SLFN12L: variants seen among roughly 807,000 people sequenced by gnomAD.
SLFN12L encodes schlafen family member 12 like.
In SLFN12L, 34 loss-of-function variants were observed where a neutral mutation model predicts 34.8. The observed-to-expected ratio is 0.98, with a 90% CI of 0.74 to 1.30. The LOEUF is 1.30. Among genes scored for constraint, SLFN12L ranks in the 50% most tolerant of loss-of-function variants. The probability of loss-of-function intolerance (pLI) is 0.00; values close to 1 mark genes in which losing one functional copy is unlikely to be tolerated. For missense variants in SLFN12L, 703 were observed against 696.2 expected, an observed-to-expected ratio of 1.01 and a Z score of -0.11; for synonymous variants, 259 against 247.5, an observed-to-expected ratio of 1.05 and a Z score of -0.44.
At chr17:35,476,956 T>G (rs893579348) in intron 4 of SLFN12L, among the ~76,000 whole-genome samples, 7 of 152,198 alleles carry the variant, frequency 4.6e-5, no homozygotes, top group Non-Finnish European at 1.0e-4. Flanking sequence ...GGCAAGTGCT[T>G]CAGACATTGG....
chr17:35,480,441 A>T, intron 2 of SLFN12L: 1 of 382,024 alleles, frequency 2.6e-6, no homozygotes, highest in Non-Finnish European at 4.6e-6. Flanking sequence ...TCTTGTCTTT[A>T]TGTGTTCGTT....
rs1427725033 is a variant in SLFN12L, at chr17:35,469,075, T to A, written c.*5848A>T. Reference sequence around the variant, plus strand: ...CCTTTCTCTGAAGGCTGTTGCCTCCTGAGTCAATCCCTCAACCCACTGGGA... The same window carrying A: ...CCTTTCTCTGAAGGCTGTTGCCTCCAGAGTCAATCCCTCAACCCACTGGGA... On this transcript the variant is annotated 3_prime_UTR_variant, in exon 5 of 5. Transcript: ENST00000628453. 6.6e-6 allele frequency among the ~76,000 whole-genome samples: 1 copy of A among 151,592 alleles called. No individual in the cohort carries two copies. Among genetic ancestry groups the A allele is most frequent in the Non-Finnish European group, 1.5e-5 (1 of 67,930 alleles).
At chr17:35,483,461 C>T (rs1299079278) in intron 2 of SLFN12L, among the ~76,000 whole-genome samples, 2 of 152,182 alleles carry the variant, frequency 1.3e-5, no homozygotes, top group African/African-American at 4.8e-5. Flanking sequence ...ATATGAAAAA[C>T]ACAGAAGAAG....
In SLFN12L at chr17:35,475,317, T is replaced by C. The variant is rs752910262; in HGVS notation, c.1445A>G (p.Lys482Arg). The C allele has an allele frequency of 1.2e-6, 2 of 1,614,164 alleles. No homozygotes were observed. Among genetic ancestry groups the C allele is most frequent in the Non-Finnish European group, 1.7e-6 (2 of 1,180,030 alleles). Reference sequence around the variant, plus strand: ...AATCAGAAGAGCATCACAGAGGACTTTGTGGTTCTCTTGCAAGCCCAGATC... The same window carrying C: ...AATCAGAAGAGCATCACAGAGGACTCTGTGGTTCTCTTGCAAGCCCAGATC... ...SLDLGLQENH[K>R]VLCDALLISQ... The change falls in exon 5 of 5, where the codon AAA (lysine) becomes AGA (arginine). Residue 482 changes from lysine (K) to arginine (R), a missense_variant. Coordinates refer to ENST00000628453, the MANE Select transcript of SLFN12L (RefSeq NM_001363830.2).
At chr17:35,490,158 G>C (rs1028407244) in intron 2 of SLFN12L, 37 of 1,606,538 alleles carry the variant, frequency 2.3e-5, no homozygotes, top group Non-Finnish European at 3.1e-5. Context: ...GGACCCTCCA[G>C]CAGAGCCGGG....
chr17:35,486,001 C>T (rs1403043420), intron 2 of SLFN12L, among the ~76,000 whole-genome samples: 1 of 152,116 alleles, frequency 6.6e-6, no homozygotes, highest in Non-Finnish European at 1.5e-5. Context: ...TTTTTGGTTG[C>T]ATACAAATTT....
intron 2 of SLFN12L, among the ~76,000 whole-genome samples, chr17:35,503,587 T>A (rs1424469829): frequency 6.6e-6 from 1 of 152,058 alleles, no homozygotes; most frequent in African/African-American, 2.4e-5. Context: ...AAAAAATAGG[T>A]ACTAAAGGAA....
Position 35,478,217 on chromosome 17 carries a change from G to T in SLFN12L, c.1166-32C>A, listed in dbSNP as rs1271966519. 4 of 1,420,090 alleles carry T rather than the reference G, an allele frequency of 2.8e-6. No homozygotes were observed. In the South Asian group the frequency reaches 3.8e-5, roughly 13 times the overall value. The allele number at this position is 1,420,090 out of a possible 1,614,324, so 88.0% of individuals were successfully genotyped here. A position where few individuals can be genotyped will look rare whatever the true frequency, so the allele number is the denominator to read the frequency against. ...AATAATGTTAGAAAACAAAAATCACGCTCTTAATTTGGCATGGGAGAGACT... is the reference window on the plus strand; with the variant it reads ...AATAATGTTAGAAAACAAAAATCACTCTCTTAATTTGGCATGGGAGAGACT... On this transcript the variant is annotated intron_variant, in intron 3 of 4. Coordinates refer to ENST00000628453, the MANE Select transcript of SLFN12L (RefSeq NM_001363830.2).
chr17:35,486,431 G>A (rs565077294), intron 2 of SLFN12L, among the ~76,000 whole-genome samples: 2 of 152,088 alleles, frequency 1.3e-5, no homozygotes, highest in African/African-American at 4.8e-5. Flanking sequence ...GGGAAACTTG[G>A]AACCCATGGG....
chr17:35,485,673 G>T lies in SLFN12L; in HGVS notation c.87-5478C>A, dbSNP rs578070998. Among the ~76,000 whole-genome samples the T allele has an allele frequency of 2.6e-4, 39 of 152,254 alleles. No homozygotes were observed. The South Asian group carries it at 5.8e-3, about 23-fold the overall frequency. ...GGTCTTACATTTCAGTCTTAATTTTGAGTTAATTTTTGTATATGGTGAGAG... is the reference window on the plus strand; with the variant it reads ...GGTCTTACATTTCAGTCTTAATTTTTAGTTAATTTTTGTATATGGTGAGAG... On this transcript the variant is annotated intron_variant, in intron 2 of 4. Transcript: ENST00000628453.
chr17:35,492,053 AT>A (rs1456872058), intron 2 of SLFN12L, among the ~76,000 whole-genome samples: 1 of 152,016 alleles, frequency 6.6e-6, no homozygotes, highest in Non-Finnish European at 1.5e-5. Context: ...TGAACTTTTT[AT>A]TTTTTTAGCT....
rs1379929228 is a variant in SLFN12L, at chr17:35,469,341, A to G, written c.*5582T>C. Among the ~76,000 whole-genome samples the G allele has an allele frequency of 7.6e-6, 1 of 132,134 alleles. No homozygotes were observed. The highest frequency in any genetic ancestry group is 1.5e-5 in the Non-Finnish European group (1 of 65,262). The allele number at this position is 132,134 out of a possible 152,430, so 86.7% of individuals were successfully genotyped here. On this transcript the variant is annotated 3_prime_UTR_variant, in exon 5 of 5. Coordinates refer to ENST00000628453, the MANE Select transcript of SLFN12L (RefSeq NM_001363830.2). ...TTATATATATAAATATATATATAAT[A>G]TATATATATATGTATTTCAAACTTT... is the stretch of plus-strand genomic sequence containing the variant.
intron 2 of SLFN12L, among the ~76,000 whole-genome samples, chr17:35,493,127 C>T (rs1028967890): frequency 1.3e-5 from 2 of 152,144 alleles, no homozygotes; most frequent in African/African-American, 2.4e-5. Context: ...GGAAGAAAAA[C>T]GAAGGTGCAG....
chr17:35,474,692 G>GC lies in SLFN12L; in HGVS notation c.*230_*231insG, dbSNP rs1192492157. 1.6e-5 allele frequency: 6 copies of GC among 368,964 alleles called. No individual in the cohort carries two copies. Among genetic ancestry groups the GC allele is most frequent in the African/African-American group, 7.1e-5 (3 of 42,510 alleles). 22.9% of individuals were successfully genotyped at this position (368,964 alleles called of 1,614,324 possible). ...CTCCTAGCACTTTGGGAGACCGGGG[G>GC]GGGGGGTTGAATCACGAGGTCAGGA... On this transcript the variant is annotated 3_prime_UTR_variant, in exon 5 of 5. Transcript: ENST00000628453.
chr17:35,498,402 T>G lies in SLFN12L; in HGVS notation c.87-18207A>C, dbSNP rs1915173145. 3.1e-6 allele frequency: 4 copies of G among 1,281,350 alleles called. No individual in the cohort carries two copies. The African/African-American group carries it at 4.4e-5, about 14-fold the overall frequency. 79.4% of individuals were successfully genotyped at this position (1,281,350 alleles called of 1,614,324 possible). Reference sequence around the variant, plus strand: ...TGCCGACATAGTGTCTGCAGTCCCTTGCCAGGCAGAGCCCCAGCAATATGA... The same window carrying G: ...TGCCGACATAGTGTCTGCAGTCCCTGGCCAGGCAGAGCCCCAGCAATATGA... On this transcript the variant is annotated intron_variant, in intron 2 of 4. Coordinates refer to ENST00000628453, the MANE Select transcript of SLFN12L (RefSeq NM_001363830.2).
intron 2 of SLFN12L, among the ~76,000 whole-genome samples, chr17:35,483,542 C>T (rs533922354): frequency 6.6e-6 from 1 of 152,254 alleles, no homozygotes; most frequent in East Asian, 1.9e-4. Context: ...CTTGGACTTC[C>T]CAGGCTCCAG....
rs1916035009 is a variant in SLFN12L, at chr17:35,522,709, A to T, written c.-345T>A. 1.2e-6 allele frequency: 2 copies of T among 1,614,194 alleles called. No individual in the cohort carries two copies. The highest frequency in any genetic ancestry group is 1.7e-6 in the Non-Finnish European group (2 of 1,180,024). ...CCCAGTGTAGCCCCCCATGTTCACCAGCTTCTGCTTCAAAGTAAGGGCAGT... is the reference window on the plus strand; with the variant it reads ...CCCAGTGTAGCCCCCCATGTTCACCTGCTTCTGCTTCAAAGTAAGGGCAGT... On this transcript the variant is annotated 5_prime_UTR_variant, in exon 2 of 5. Transcript: ENST00000628453.
chr17:35,507,744 C>T (rs963660647), intron 2 of SLFN12L, among the ~76,000 whole-genome samples: 3 of 152,184 alleles, frequency 2.0e-5, no homozygotes, highest in Admixed American at 2.0e-4. Flanking sequence ...GCTACCCATA[C>T]TTCTTCAAAT....
Position 35,479,337 on chromosome 17 carries a change from C to A in SLFN12L, c.945G>T (p.Val315=), listed in dbSNP as rs1445291580. ...TCCCCTTCTCCACACAGAAGTGATG[C>A]ACAGGCAGTTTCCCAATGGAATTTT... ...VTKNSIGKLP[V]HHFCVEKGTI... is the part of the protein sequence containing the mutation. The change falls in exon 3 of 5, where the codon GTG becomes GTT. Residue 315 remains valine, a synonymous_variant. Transcript: ENST00000628453. 2 of 1,588,724 alleles carry A rather than the reference C, an allele frequency of 1.3e-6. No individual in the cohort carries two copies. Among genetic ancestry groups the A allele is most frequent in the Admixed American group, 3.6e-5 (2 of 55,800 alleles).
Sources: allele counts gnomAD v4.1 joint callset (sites outside exome capture counted in the v4.1 genomes callset), GRCh38; gene constraint gnomAD v4.1.1; transcripts MANE v1.5; gene names NCBI Gene and HGNC (gene_info 2026-07-23, HGNC 2026-07-21).